Variants in OPCML observed in about 807,000 individuals in gnomAD.
OPCML encodes opioid binding protein/cell adhesion molecule like, also known as opioid-binding protein/cell adhesion molecule.
OPCML carries 13 observed loss-of-function variants against 37.8 expected under a neutral mutation model. The observed-to-expected ratio is 0.34, with a 90% CI of 0.22 to 0.55. The LOEUF is 0.55. Ranked by LOEUF, OPCML falls within the 20% of genes least tolerant of loss-of-function variation. The pLI, the probability that OPCML is intolerant of heterozygous loss-of-function variation, is 0.91. For synonymous variants in OPCML, 176 were observed against 168.8 expected (o/e 1.04, Z -0.33); for missense variants, 341 against 435.6 (o/e 0.78, Z 1.93).
intron 2 of OPCML, among the ~76,000 whole-genome samples, chr11:132,707,822 T>A (rs1354007503): frequency 2.0e-5 from 3 of 152,090 alleles, no homozygotes; most frequent in African/African-American, 7.2e-5. Context: ...AAGAGTAATA[T>A]CAATGAACAA....
intron 1 of OPCML, among the ~76,000 whole-genome samples, chr11:133,240,248 A>G (rs1169817355): frequency 6.6e-6 from 1 of 151,988 alleles, no homozygotes; most frequent in Admixed American, 6.6e-5. Context: ...GAGGGGCAAA[A>G]AAACAGACTT....
chr11:132,509,688 T>G (rs1404098796), intron 4 of OPCML, among the ~76,000 whole-genome samples: 2 of 152,198 alleles, frequency 1.3e-5, no homozygotes, highest in Non-Finnish European at 2.9e-5. Context: ...AGCCTGCAGG[T>G]GCACAGAAGT....
chr11:133,112,175 G>A (rs1949263907), intron 1 of OPCML, among the ~76,000 whole-genome samples: 1 of 150,464 alleles, frequency 6.6e-6, no homozygotes, highest in African/African-American at 2.4e-5. Context: ...TATTAATCTT[G>A]GGAGTATGGT....
intron 1 of OPCML, among the ~76,000 whole-genome samples, chr11:133,339,122 A>G (rs1321737070): frequency 6.6e-6 from 1 of 152,128 alleles, no homozygotes; most frequent in Non-Finnish European, 1.5e-5. Context: ...ACTCTACTCG[A>G]TTATCTGTTT....
intron 1 of OPCML, among the ~76,000 whole-genome samples, chr11:133,042,626 G>A (rs1403732162): frequency 6.6e-6 from 1 of 152,198 alleles, no homozygotes; most frequent in Admixed American, 6.5e-5. Flanking sequence ...TTAGTGAGCG[G>A]TCTAGGTTAA....
intron 3 of OPCML, among the ~76,000 whole-genome samples, chr11:132,583,487 T>C (rs1274922729): frequency 1.3e-5 from 2 of 152,024 alleles, no homozygotes; most frequent in African/African-American, 4.8e-5. Flanking sequence ...TTTTATGAAA[T>C]TGTGGGTCTT....
intron 1 of OPCML, among the ~76,000 whole-genome samples, chr11:133,015,303 T>C (rs565339235): frequency 1.3e-5 from 2 of 148,636 alleles, no homozygotes; most frequent in African/African-American, 5.0e-5. Flanking sequence ...AAAGTATGCG[T>C]TGTATTATGA....
At chr11:133,252,970 A>G (rs1258192826) in intron 1 of OPCML, among the ~76,000 whole-genome samples, 1 of 151,526 alleles carries the variant, frequency 6.6e-6, no homozygotes, top group Non-Finnish European at 1.5e-5. Context: ...ACATGGTGAA[A>G]CCCCGTCTCT....
chr11:132,618,954 T>TAC (rs6144570), intron 3 of OPCML, among the ~76,000 whole-genome samples: 2,302 of 145,492 alleles, frequency 0.016, 28 homozygotes, highest in Middle Eastern at 0.024. Context: ...AGCACACGCA[T>TAC]ACACACACAC....
intron 1 of OPCML, among the ~76,000 whole-genome samples, chr11:133,381,480 C>T (rs139198060): frequency 6.6e-6 from 1 of 152,242 alleles, no homozygotes; most frequent in Non-Finnish European, 1.5e-5. Flanking sequence ...GTTGGTCATG[C>T]CCATGGTGGA....
chr11:133,531,490 A>C (rs1948603214), intron 1 of OPCML, among the ~76,000 whole-genome samples: 1 of 152,232 alleles, frequency 6.6e-6, no homozygotes. Flanking sequence ...AGGGAAATTC[A>C]TATTCCTGAC....
At chr11:132,722,206 C>T (rs867114708) in intron 2 of OPCML, among the ~76,000 whole-genome samples, 20 of 151,694 alleles carry the variant, frequency 1.3e-4, no homozygotes, top group Middle Eastern at 6.8e-3. Flanking sequence ...CCACCTGCCT[C>T]AGCCTCCCAA....
intron 1 of OPCML, among the ~76,000 whole-genome samples, chr11:133,175,047 T>C (rs560941809): frequency 2.0e-5 from 3 of 152,036 alleles, no homozygotes; most frequent in South Asian, 4.1e-4. Flanking sequence ...GAGGCTACAG[T>C]AAGCTACGAT....
At position 133,332,568 on chromosome 11, in the gene OPCML, T is replaced by C. The variant is rs547086204; in HGVS notation, c.61+199696A>G. ...AGCTTTTGCCCATTCAGTAAAATGT[T>C]GGCTGTGGGTATGTCATAGATGGCT... On this transcript the variant is annotated intron_variant, in intron 1 of 7. Coordinates refer to ENST00000524381, the MANE Select transcript of OPCML (RefSeq NM_001012393.5). Among the ~76,000 whole-genome samples, 28 of 152,310 alleles carry C rather than the reference T, an allele frequency of 1.8e-4. No homozygotes were observed. The South Asian group carries it at 5.8e-3, about 32-fold the overall frequency.
At chr11:132,576,659 C>A (rs143686550) in intron 3 of OPCML, among the ~76,000 whole-genome samples, 1 of 152,214 alleles carries the variant, frequency 6.6e-6, no homozygotes, top group African/African-American at 2.4e-5. Context: ...TTTGGGACAT[C>A]TTTGCCTGAT....
intron 3 of OPCML, among the ~76,000 whole-genome samples, chr11:132,562,166 C>G (rs1295335610): frequency 6.6e-6 from 1 of 152,110 alleles, no homozygotes; most frequent in East Asian, 1.9e-4. Flanking sequence ...AAATGAGGGC[C>G]TGGCAACACA....
At chr11:133,303,786 A>C (rs1942843401) in intron 1 of OPCML, among the ~76,000 whole-genome samples, 1 of 151,856 alleles carries the variant, frequency 6.6e-6, no homozygotes, top group South Asian at 2.1e-4. Context: ...TGTAGAAACA[A>C]AAAAAAAGGT....
intron 2 of OPCML, among the ~76,000 whole-genome samples, chr11:132,713,628 T>A (rs972340164): frequency 1.3e-5 from 2 of 152,210 alleles, no homozygotes; most frequent in African/African-American, 2.4e-5. Flanking sequence ...TCCTCCCTCA[T>A]ACCTAAAATG....
chr11:132,878,365 T>C (rs2136420097), intron 2 of OPCML, among the ~76,000 whole-genome samples: 1 of 152,300 alleles, frequency 6.6e-6, no homozygotes, highest in African/African-American at 2.4e-5. Context: ...CAGATTGCCC[T>C]CCCTAATGTG....
Sources: allele counts gnomAD v4.1 joint callset (sites outside exome capture counted in the v4.1 genomes callset), GRCh38; gene constraint gnomAD v4.1.1; transcripts MANE v1.5; gene names NCBI Gene and HGNC (gene_info 2026-07-23, HGNC 2026-07-21).